The following XYLT1 variants were observed in gnomAD, a reference collection of about 807,000 sequenced individuals.
The protein encoded by XYLT1 is beta-D-xylosyltransferase 1.
In XYLT1, 36 loss-of-function variants were observed where a neutral mutation model predicts 91.3. That is an observed-to-expected ratio of 0.39 (90% CI 0.30 to 0.52). The LOEUF is 0.52. Among genes scored for constraint, XYLT1 ranks in the 20% least tolerant of loss-of-function variants. The pLI is 0.68. For missense variants in XYLT1, 1,242 were observed against 1,284.5 expected, an observed-to-expected ratio of 0.97 and a Z score of 0.51; for synonymous variants, 588 against 532.0, an observed-to-expected ratio of 1.11 and a Z score of -1.45.
chr16:17,454,293 T>G (rs2036706102), intron 1 of XYLT1, among the ~76,000 whole-genome samples: 1 of 152,216 alleles, frequency 6.6e-6, no homozygotes, highest in Non-Finnish European at 1.5e-5. Context: ...AATGGATATG[T>G]AAATTGTGGT....
At chr16:17,367,347 T>C (rs1202858764) in intron 1 of XYLT1, among the ~76,000 whole-genome samples, 1 of 152,172 alleles carries the variant, frequency 6.6e-6, no homozygotes, top group Non-Finnish European at 1.5e-5. Flanking sequence ...TTTCTAAAGG[T>C]GGCCACCCAG....
At chr16:17,115,308 T>C (rs1430475876) in intron 11 of XYLT1, among the ~76,000 whole-genome samples, 1 of 39,622 alleles carries the variant, frequency 2.5e-5, no homozygotes. Context: ...ACCACAAAAA[T>C]AGTTAAAAAA....
At chr16:17,433,185 G>A (rs893683325) in intron 1 of XYLT1, among the ~76,000 whole-genome samples, 1 of 151,962 alleles carries the variant, frequency 6.6e-6, no homozygotes, top group African/African-American at 2.4e-5. Context: ...ATGCAGCCAC[G>A]CCCAAAACTC....
At chr16:17,150,047 T>C (rs73531337) in intron 6 of XYLT1, among the ~76,000 whole-genome samples, 3,834 of 152,338 alleles carry the variant, frequency 0.025, 172 homozygotes, top group African/African-American at 0.087. Flanking sequence ...TCCTTTAGTC[T>C]GGCAGAGCAA....
chr16:17,192,803 C>A, intron 5 of XYLT1: 1 of 139,498 alleles, frequency 7.2e-6, no homozygotes. Context: ...TTTGCTTTTC[C>A]CACCCTTTTT....
intron 1 of XYLT1, among the ~76,000 whole-genome samples, chr16:17,450,128 A>G (rs1220786134): frequency 6.6e-6 from 1 of 152,142 alleles, no homozygotes; most frequent in African/African-American, 2.4e-5. Context: ...ACTTGAGGTC[A>G]GGAGTTCAAG....
intron 1 of XYLT1, among the ~76,000 whole-genome samples, chr16:17,376,454 G>A (rs951626172): frequency 6.6e-6 from 1 of 152,206 alleles, no homozygotes; most frequent in Non-Finnish European, 1.5e-5. Flanking sequence ...GTGCTCAAGA[G>A]GATGGGTGAT....
intron 3 of XYLT1, among the ~76,000 whole-genome samples, chr16:17,224,818 C>A (rs1018701722): frequency 2.0e-5 from 3 of 152,170 alleles, no homozygotes; most frequent in African/African-American, 7.2e-5. Context: ...GATTTTAAGA[C>A]AGGAATCTTA....
chr16:17,369,763 C>T (rs537298256), intron 1 of XYLT1: 18 of 152,256 alleles, frequency 1.2e-4, no homozygotes, highest in Admixed American at 6.5e-4. Context: ...GGGAGGTGCC[C>T]GTGCAGAAGG....
At chr16:17,355,231 C>T (rs976672923) in intron 2 of XYLT1, 6 of 153,398 alleles carry the variant, frequency 3.9e-5, no homozygotes, top group African/African-American at 1.2e-4. Context: ...GTCTGCAACT[C>T]CTCTTTCCCA....
At chr16:17,134,870 T>C (rs2030651525) in intron 8 of XYLT1, 135 bp from the exon 9 acceptor site, 3 of 1,042,006 alleles carry the variant, frequency 2.9e-6, no homozygotes, top group Non-Finnish European at 4.2e-6. Flanking sequence ...TTTGCACCTC[T>C]GTGTTCTCAG....
intron 2 of XYLT1, among the ~76,000 whole-genome samples, chr16:17,272,425 A>G (rs1224699653): frequency 2.0e-5 from 3 of 151,954 alleles, no homozygotes; most frequent in Non-Finnish European, 4.4e-5. Flanking sequence ...TGGCCTCCCA[A>G]AGTGCTAAGA....
intron 2 of XYLT1, among the ~76,000 whole-genome samples, chr16:17,325,110 C>T (rs2034779645): frequency 6.6e-6 from 1 of 151,868 alleles, no homozygotes; most frequent in Non-Finnish European, 1.5e-5. Context: ...ATACTCTGGG[C>T]GGGGGTGCCG....
intron 9 of XYLT1, 84 bp from the exon 10 acceptor site, chr16:17,127,945 C>T: frequency 7.5e-7 from 1 of 1,335,730 alleles, no homozygotes; most frequent in Non-Finnish European, 1.0e-6. Flanking sequence ...TAGTTTTGTT[C>T]CTAAAGCAGT....
chr16:17,317,543 T>C (rs1428438028), intron 2 of XYLT1, among the ~76,000 whole-genome samples: 1 of 139,490 alleles, frequency 7.2e-6, no homozygotes, highest in Non-Finnish European at 1.5e-5. Context: ...GGTGGGAGGA[T>C]GGCTTGAGCC....
intron 1 of XYLT1, among the ~76,000 whole-genome samples, chr16:17,454,202 G>A (rs190800026): frequency 9.3e-4 from 142 of 152,284 alleles, no homozygotes; most frequent in African/African-American, 3.3e-3. Flanking sequence ...TATGTTTGCC[G>A]AAAGAGATGT....
chr16:17,416,723 C>T (rs539191707), intron 1 of XYLT1, among the ~76,000 whole-genome samples: 56 of 152,344 alleles, frequency 3.7e-4, no homozygotes, highest in Middle Eastern at 3.4e-3. Flanking sequence ...GACAGATTTA[C>T]GGAATTCTCA....
intron 1 of XYLT1, among the ~76,000 whole-genome samples, chr16:17,361,565 G>A (rs975134098): frequency 2.6e-5 from 4 of 152,110 alleles, no homozygotes; most frequent in Non-Finnish European, 4.4e-5. Flanking sequence ...AGCTAACAGC[G>A]ATCATTTATA....
Position 17,195,015 on chromosome 16 carries a change from C to T in XYLT1, c.1289+3197G>A, listed in dbSNP as rs148528081. 2.8e-3 allele frequency among the ~76,000 whole-genome samples: 425 copies of T among 152,342 alleles called. 3 individuals carry two copies. The highest frequency in any genetic ancestry group is 9.5e-3 in the African/African-American group (394 of 41,586). ...CTATCCATTGTTTAAATTTCTCAAA[C>T]GCAACAAGTTTGTTTCTGTGCTACA... is the stretch of plus-strand genomic sequence containing the variant. On this transcript the variant is annotated intron_variant, in intron 5 of 11. Coordinates refer to ENST00000261381, the MANE Select transcript of XYLT1 (RefSeq NM_022166.4).
Sources: gnomAD v4.1 joint callset for allele counts (sites outside exome capture counted in the v4.1 genomes callset) on GRCh38, gnomAD v4.1.1 for gene constraint, MANE v1.5 for transcripts, NCBI Gene and HGNC (gene_info 2026-07-23, HGNC 2026-07-21) for gene names.